The following SIN3B variants were observed in gnomAD, a reference collection of about 807,000 sequenced individuals.
The protein encoded by SIN3B is SIN3 transcription regulator family member B, also known as paired amphipathic helix protein Sin3b.
SIN3B carries 19 observed loss-of-function variants against 120.2 expected under a neutral mutation model. The ratio of observed to expected loss-of-function variants is 0.16; its 90% CI spans 0.11 to 0.23. SIN3B has a LOEUF of 0.23. Among genes scored for constraint, SIN3B ranks in the 10% least tolerant of loss-of-function variants. The pLI, the probability that SIN3B is intolerant of heterozygous loss-of-function variation, is 1.00. For missense variants in SIN3B, 1,073 were observed against 1,573.0 expected, an observed-to-expected ratio of 0.68 and a Z score of 5.38; for synonymous variants, 654 against 653.2, an observed-to-expected ratio of 1.00 and a Z score of -0.02.
Position 16,862,628 on chromosome 19 carries a change from G to A in SIN3B, c.1266+69G>A, listed in dbSNP as rs1305989538. 7.3e-6 allele frequency: 10 copies of A among 1,374,264 alleles called. No individual in the cohort carries two copies. Among genetic ancestry groups the A allele is most frequent in the African/African-American group, 4.3e-5 (3 of 69,938 alleles). The allele number at this position is 1,374,264 out of a possible 1,614,324, so 85.1% of individuals were successfully genotyped here. Reference sequence around the variant, plus strand: ...CCCCACCCCTCCCCAGCAAACACCCGATACCCCCGTTATGAATGAAATGCT... The same window carrying A: ...CCCCACCCCTCCCCAGCAAACACCCAATACCCCCGTTATGAATGAAATGCT... On this transcript the variant is annotated intron_variant, in intron 9 of 18. Coordinates refer to ENST00000248054, the MANE Select transcript of SIN3B (RefSeq NM_001297595.2). The surrounding 1 kb of genome is among the most constrained non-coding windows in gnomAD (Gnocchi z 4.7).
At chr19:16,847,314 A>G (rs903564593) in intron 5 of SIN3B, among the ~76,000 whole-genome samples, 1 of 152,192 alleles carries the variant, frequency 6.6e-6, no homozygotes, top group African/African-American at 2.4e-5. Flanking sequence ...CGATTTGCCA[A>G]GGTGCTTCTC....
intron 8 of SIN3B, among the ~76,000 whole-genome samples, chr19:16,860,535 G>A (rs1971673119): frequency 6.6e-6 from 1 of 152,048 alleles, no homozygotes; most frequent in Non-Finnish European, 1.5e-5. Flanking sequence ...CGTTATGCGA[G>A]GGTGGGCTGG....
At chr19:16,854,466 C>T in intron 8 of SIN3B, 1 of 535,920 alleles carries the variant, frequency 1.9e-6, no homozygotes, top group Non-Finnish European at 3.3e-6. Context: ...GGTTCCTTTA[C>T]CAGTAACATC....
At chr19:16,863,631 TG>T in intron 9 of SIN3B, 48 bp from the exon 10 acceptor site, 2 of 1,198,656 alleles carry the variant, frequency 1.7e-6, no homozygotes, top group Non-Finnish European at 2.5e-6. Context: ...CAGTAAATCT[TG>T]GCTCCTGGGG....
intron 14 of SIN3B, among the ~76,000 whole-genome samples, chr19:16,873,732 G>A (rs2051544027): frequency 6.6e-6 from 1 of 152,220 alleles, no homozygotes; most frequent in South Asian, 2.1e-4. Context: ...TGTAGTGAGA[G>A]CCACATGCTG....
chr19:16,865,243 T>C (rs867066589), intron 10 of SIN3B, 167 bp from the exon 11 acceptor site: 33 of 597,220 alleles, frequency 5.5e-5, no homozygotes, highest in Middle Eastern at 4.5e-4. Context: ...GCAGTGAGCT[T>C]TGATTGTGCC....
intron 4 of SIN3B, among the ~76,000 whole-genome samples, chr19:16,843,190 C>T (rs943126788): frequency 1.3e-5 from 2 of 152,118 alleles, no homozygotes; most frequent in Admixed American, 6.5e-5. Context: ...CTCAGCCTCC[C>T]GGCTTCAAAC....
chr19:16,861,112 C>T (rs540453650), intron 8 of SIN3B, among the ~76,000 whole-genome samples: 1 of 152,228 alleles, frequency 6.6e-6, no homozygotes, highest in East Asian at 1.9e-4. Context: ...TTCCTGTTGT[C>T]GACCACAGCC....
chr19:16,864,411 C>T (rs1365963230), intron 10 of SIN3B, among the ~76,000 whole-genome samples: 1 of 152,008 alleles, frequency 6.6e-6, no homozygotes, highest in African/African-American at 2.4e-5. Flanking sequence ...TCGCTGCAGC[C>T]TTGACCTCCC....
intron 3 of SIN3B, among the ~76,000 whole-genome samples, chr19:16,833,745 A>G (rs1358932993): frequency 6.6e-6 from 1 of 150,462 alleles, no homozygotes; most frequent in Admixed American, 6.6e-5. Context: ...CTTTTTTGAG[A>G]AGGAGTCTCG....
chr19:16,850,021 C>T (rs1971525293), intron 5 of SIN3B, among the ~76,000 whole-genome samples: 1 of 149,554 alleles, frequency 6.7e-6, no homozygotes, highest in Non-Finnish European at 1.5e-5. Flanking sequence ...CCACTTACAG[C>T]TCTCGAAATA....
Position 16,878,597 on chromosome 19 carries a change from A to G in SIN3B, c.3263A>G (p.Gln1088Arg), listed in dbSNP as rs754435536. The part of the protein sequence containing the change: ...NVTVEAASLV[Q>R]DWLMGEEDED... Reference sequence around the variant, plus strand: ...ACGGTGGAGGCGGCTAGCCTGGTGCAGGACTGGCTGATGGGTGAGGAGGAC... The same window carrying G: ...ACGGTGGAGGCGGCTAGCCTGGTGCGGGACTGGCTGATGGGTGAGGAGGAC... Residue 1088 changes from glutamine to arginine, a missense_variant, in exon 19 of 19, where the codon CAG (glutamine) becomes CGG (arginine). This residue lies in a region of SIN3B where 311 missense variants were observed against 400.3 expected (regional missense o/e 0.78). Coordinates refer to ENST00000248054, the MANE Select transcript of SIN3B (RefSeq NM_001297595.2). 6.2e-7 allele frequency: 1 copy of G among 1,612,404 alleles called. No homozygotes were observed. The highest frequency in any genetic ancestry group is 2.2e-5 in the East Asian group (1 of 44,814).
rs1485957925 is a variant in SIN3B at position 16,869,989 on chromosome 19, C to T, written c.2336C>T (p.Thr779Ile). The T allele has an allele frequency of 6.2e-7, 1 of 1,614,004 alleles. No homozygotes were observed. Among genetic ancestry groups the T allele is most frequent in the East Asian group, 2.2e-5 (1 of 44,878 alleles). ...QAQKQLLEYR[T>I]EKEREKLLCE... ...CAGAAGCAGCTTCTGGAGTATCGGA[C>T]CGAGAAGGAGCGGGAGAAGCTGCTG... The change falls in exon 13 of 19, where the codon ACC (threonine) becomes ATC (isoleucine). Residue 779 changes from threonine (T) to isoleucine (I), a missense_variant. Thr to Ile is a moderately conservative substitution (Grantham distance 89). This residue lies in a region of SIN3B where 52 missense variants were observed against 68.8 expected (regional missense o/e 0.76). Coordinates refer to ENST00000248054, the MANE Select transcript of SIN3B (RefSeq NM_001297595.2).
intron 3 of SIN3B, among the ~76,000 whole-genome samples, chr19:16,831,866 A>C (rs1325352424): frequency 6.6e-6 from 1 of 152,224 alleles, no homozygotes; most frequent in Admixed American, 6.5e-5. Flanking sequence ...GGAAGATTTA[A>C]ATCAAGAGTG....
In SIN3B at chr19:16,852,608, A is replaced by G. The variant is rs187845693; in HGVS notation, c.850-461A>G. ...GATGGACAGTGTTGTCCTTCTTGCC[A>G]TGATCGTGCATCCAAGTTCAGGTCC... On this transcript the variant is annotated intron_variant, in intron 6 of 18. Transcript: ENST00000248054. 1.6e-4 allele frequency among the ~76,000 whole-genome samples: 25 copies of G among 152,308 alleles called. No individual in the cohort carries two copies. The East Asian group carries it at 4.8e-3, about 29-fold the overall frequency.
Position 16,854,168 on chromosome 19 carries a change from A to G in SIN3B, c.965A>G (p.Glu322Gly), listed in dbSNP as rs1005646171. ...GTCCGCCGGGTGCTGAAGAGCCAGG[A>G]GGTGTATGAAAACTTCCTCCGCTGC... Reference protein sequence around the residue: ...DKVRRVLKSQEVYENFLRCIA... With the variant: ...DKVRRVLKSQGVYENFLRCIA... The change falls in exon 8 of 19, where the codon GAG becomes GGG. Residue 322 changes from glutamate to glycine, a missense_variant. Coordinates refer to ENST00000248054, the MANE Select transcript of SIN3B (RefSeq NM_001297595.2). 6 of 1,612,118 alleles carry G rather than the reference A, an allele frequency of 3.7e-6. No homozygotes were observed. The Admixed American group carries it at 8.3e-5, about 22-fold the overall frequency.
intron 14 of SIN3B, 25 bp downstream of exon 14, chr19:16,871,423 G>A (rs1234359005): frequency 3.8e-6 from 6 of 1,576,644 alleles, no homozygotes; most frequent in Non-Finnish European, 5.2e-6. Context: ...GGTGGGGCCG[G>A]CCCTGAGGAC....
Position 16,851,531 on chromosome 19 carries a change from C to T in SIN3B, c.846C>T (p.Ala282=), listed in dbSNP as rs1018837151. The change falls in exon 6 of 19, where the codon GCC becomes GCT. Residue 282 remains alanine (A), a synonymous_variant. Transcript: ENST00000248054. ...PSLLRPVSAP[A]KKKMKLRGTK... ...TCCTCCGCCCCGTGTCTGCACCCGC[C>T]AAGGTACCTGTGAGCCACATGCAGC... 2.5e-6 allele frequency: 4 copies of T among 1,596,352 alleles called. No homozygotes were observed. The African/African-American group carries it at 4.0e-5, about 16-fold the overall frequency.
At chr19:16,875,485 TG>T (rs1381926082) in intron 14 of SIN3B, among the ~76,000 whole-genome samples, 1 of 146,628 alleles carries the variant, frequency 6.8e-6, no homozygotes, top group African/African-American at 2.5e-5. Flanking sequence ...TGGTCTGGTT[TG>T]GGTCTGGTCT....
Sources: gnomAD v4.1 joint callset for allele counts (sites outside exome capture counted in the v4.1 genomes callset) on GRCh38, gnomAD v4.1.1 for gene constraint, gnomAD v4.1.1 regional missense constraint, Gnocchi (gnomAD v3.1) non-coding constraint, MANE v1.5 for transcripts, NCBI Gene and HGNC (gene_info 2026-07-23, HGNC 2026-07-21) for gene names.